COL18A1: variants seen among roughly 807,000 people sequenced by gnomAD.
COL18A1 encodes the protein collagen type XVIII alpha 1 chain.
COL18A1 carries 133 observed loss-of-function variants against 168.0 expected under a neutral mutation model. The ratio of observed to expected loss-of-function variants is 0.79; its 90% CI spans 0.69 to 0.91. The LOEUF is 0.91. COL18A1 is among the 40% of genes least tolerant of loss of function. The probability of loss-of-function intolerance (pLI) is 0.00; values close to 1 mark genes in which losing one functional copy is unlikely to be tolerated. For synonymous variants in COL18A1, 949 were observed against 809.0 expected (o/e 1.17, Z -2.94); for missense variants, 2,126 against 1,925.4 (o/e 1.10, Z -1.95).
At chr21:45,451,772 G>A (rs2034628532) in intron 2 of COL18A1, among the ~76,000 whole-genome samples, 1 of 152,088 alleles carries the variant, frequency 6.6e-6, no homozygotes, top group Non-Finnish European at 1.5e-5. Context: ...GCACTCTCCT[G>A]TGTCACCCAG....
intron 19 of COL18A1, 55 bp from the exon 20 acceptor site, chr21:45,490,220 C>A: frequency 6.8e-7 from 1 of 1,466,144 alleles, no homozygotes; most frequent in Non-Finnish European, 9.3e-7. Flanking sequence ...CGTGGGGGTC[C>A]CTGCATTCCT....
In COL18A1 at chr21:45,475,468, C is replaced by CT. The variant is rs564128920; in HGVS notation, c.739-7dup. 31 of 1,596,818 alleles carry CT rather than the reference C, an allele frequency of 1.9e-5. No homozygotes were observed. In the East Asian group the frequency reaches 6.8e-4, roughly 35 times the overall value. ...TCTCTCCAGCCTTTCCCTTTTCAAA[C>CT]TCCTCAGGCATCCGGAGACTCTGGC... On this transcript the variant is annotated splice_region_variant and splice_polypyrimidine_tract_variant and intron_variant, in intron 4 of 41. Transcript: ENST00000651438.
intron 2 of COL18A1, chr21:45,410,050 A>T (rs931502361): frequency 1.3e-5 from 2 of 152,172 alleles, no homozygotes; most frequent in South Asian, 2.1e-4. Flanking sequence ...TGAAATGTGG[A>T]GGCTGCAGGG....
intron 12 of COL18A1, 67 bp downstream of exon 12, chr21:45,480,587 C>T: frequency 4.3e-6 from 7 of 1,613,666 alleles, no homozygotes; most frequent in Non-Finnish European, 5.9e-6. Context: ...CATGGACCCC[C>T]AAGATTCAGC....
At position 45,473,302 on chromosome 21, in the gene COL18A1, G is replaced by C. The variant is rs1325821061; in HGVS notation, c.652-593G>C. On this transcript the variant is annotated intron_variant, in intron 3 of 41. Coordinates refer to ENST00000651438, the MANE Select transcript of COL18A1 (RefSeq NM_001379500.1). The surrounding 1 kb of genome is among the most constrained non-coding windows in gnomAD (Gnocchi z 4.0). ...AGGACTGAAGATGCCAGAGGGAGCG[G>C]TGGGTAGGTGGGTGAGTGAGTGAGA... Among the ~76,000 whole-genome samples the C allele has an allele frequency of 6.6e-6, 1 of 152,258 alleles. No individual in the cohort carries two copies. The highest frequency in any genetic ancestry group is 2.4e-5 in the African/African-American group (1 of 41,470).
At chr21:45,504,250 G>A (rs1331849490) in intron 33 of COL18A1, 166 bp from the exon 34 acceptor site, 2 of 871,458 alleles carry the variant, frequency 2.3e-6, no homozygotes, top group Non-Finnish European at 3.6e-6. Flanking sequence ...GGACTCGGCT[G>A]ATGCAGTGGG....
intron 17 of COL18A1, 60 bp from the exon 18 acceptor site, chr21:45,488,358 G>C (rs746866211): frequency 5.0e-6 from 8 of 1,612,246 alleles, no homozygotes; most frequent in Non-Finnish European, 6.8e-6. Context: ...TCTTGCGGCA[G>C]ACGCATCTCA....
At chr21:45,481,077 A>G (rs1375088004) in intron 13 of COL18A1, among the ~76,000 whole-genome samples, 2 of 152,180 alleles carry the variant, frequency 1.3e-5, no homozygotes, top group African/African-American at 2.4e-5. Flanking sequence ...GGTGCTGACC[A>G]GTGGGGGTGA....
intron 2 of COL18A1, among the ~76,000 whole-genome samples, chr21:45,436,635 G>A (rs564003898): frequency 4.8e-5 from 7 of 145,228 alleles, no homozygotes; most frequent in African/African-American, 1.7e-4. Flanking sequence ...TGCAGCCCTG[G>A]AACTGTGGCT....
intron 6 of COL18A1, 43 bp downstream of exon 6, chr21:45,476,523 T>C (rs1471349029): frequency 6.4e-7 from 1 of 1,559,676 alleles, no homozygotes; most frequent in South Asian, 1.2e-5. Flanking sequence ...GTGTGGGGTG[T>C]GTGTGGTGTG....
rs2035518598 is a variant in COL18A1 at position 45,473,359 on chromosome 21, A to G, written c.652-536A>G. On this transcript the variant is annotated intron_variant, in intron 3 of 41. Transcript: ENST00000651438. This position sits in a 1 kb window ranked among gnomAD's most constrained non-coding sequence, Gnocchi z 4.0. ...CCGGACGGAATGGGCGCAGAGATCC[A>G]GGAAACTCCCCTACATCTGCGGCGT... Among the ~76,000 whole-genome samples the G allele has an allele frequency of 6.6e-6, 1 of 152,258 alleles. No homozygotes were observed.
intron 32 of COL18A1, among the ~76,000 whole-genome samples, chr21:45,500,202 G>T (rs376028772): frequency 3.0e-5 from 4 of 131,482 alleles, no homozygotes; most frequent in African/African-American, 6.1e-5. Flanking sequence ...TGTGGAGTGT[G>T]TGTGGCTGGG....
chr21:45,480,076 C>A lies in COL18A1; in HGVS notation c.1318C>A (p.Pro440Thr). 1 of 1,610,796 alleles carries A rather than the reference C, an allele frequency of 6.2e-7. No individual in the cohort carries two copies. The highest frequency in any genetic ancestry group is 8.5e-7 in the Non-Finnish European group (1 of 1,177,336). The part of the protein sequence containing the change: ...DVGPKGDKGD[P>T]GVGERGPPGP... ...GCTTGTCTTGTGTTCCCAGGGAGAC[C>A]CTGGGGTTGGAGAGAGAGGGCCCCC... is the stretch of plus-strand genomic sequence containing the variant. The change falls in exon 11 of 42, where the codon CCT becomes ACT. Residue 440 changes from proline to threonine, a missense_variant. Physicochemically the swap from Pro to Thr is conservative, Grantham distance 38. Coordinates refer to ENST00000651438, the MANE Select transcript of COL18A1 (RefSeq NM_001379500.1).
In COL18A1 at chr21:45,440,561, G is replaced by T. The variant is rs1004590084; in HGVS notation, c.107-27681G>T. ...GAGCCACGTTCCCCGGAAGCAGTCG[G>T]GGCCTGCTGGGGTTTGAGCCACGTT... On this transcript the variant is annotated intron_variant, in intron 2 of 41. Transcript: ENST00000651438. 1.4e-4 allele frequency among the ~76,000 whole-genome samples: 21 copies of T among 150,802 alleles called. No individual in the cohort carries two copies. The East Asian group carries it at 1.8e-3, about 13-fold the overall frequency.
At chr21:45,459,076 C>T (rs1436883208) in intron 2 of COL18A1, among the ~76,000 whole-genome samples, 1 of 152,212 alleles carries the variant, frequency 6.6e-6, no homozygotes, top group Non-Finnish European at 1.5e-5. Context: ...TCCTGGGGGA[C>T]TCCATCAGCG....
intron 34 of COL18A1, 37 bp from the exon 35 acceptor site, chr21:45,505,097 G>A (rs757491728): frequency 5.4e-5 from 87 of 1,599,684 alleles, no homozygotes; most frequent in African/African-American, 1.3e-4. Context: ...TCCAGGGCAC[G>A]AGGTAACCAG....
intron 38 of COL18A1, 21 bp from the exon 39 acceptor site, chr21:45,509,335 C>A: frequency 6.5e-7 from 1 of 1,542,132 alleles, no homozygotes; most frequent in African/African-American, 1.4e-5. Flanking sequence ...CGCCGACAGG[C>A]CCCACGTCTC....
At position 45,425,601 on chromosome 21, in the gene COL18A1, C is replaced by T. The variant is rs937520340; in HGVS notation, c.106+20128C>T. On this transcript the variant is annotated intron_variant, in intron 2 of 41. Coordinates refer to ENST00000651438, the MANE Select transcript of COL18A1 (RefSeq NM_001379500.1). The surrounding 1 kb of genome is among the most constrained non-coding windows in gnomAD (Gnocchi z 4.1). ...TGTGGAGCTGGGCTGCAGACTTGCA[C>T]AAGGTGGGGTCCTGTGTCTGGAGTC... Among the ~76,000 whole-genome samples the T allele has an allele frequency of 2.0e-5, 3 of 152,114 alleles. No individual in the cohort carries two copies. Among genetic ancestry groups the T allele is most frequent in the African/African-American group, 7.2e-5 (3 of 41,426 alleles).
At chr21:45,494,175 G>A in intron 26 of COL18A1, 2 of 436,596 alleles carry the variant, frequency 4.6e-6, no homozygotes, top group Non-Finnish European at 4.3e-6. Context: ...CCCAGTGAGA[G>A]CTCCACTATC....
Sources: gnomAD v4.1 joint callset for allele counts (sites outside exome capture counted in the v4.1 genomes callset) on GRCh38, gnomAD v4.1.1 for gene constraint, Gnocchi (gnomAD v3.1) non-coding constraint, MANE v1.5 for transcripts, NCBI Gene and HGNC (gene_info 2026-07-23, HGNC 2026-07-21) for gene names.